Variants in FAM184B observed in about 807,000 individuals in gnomAD.
FAM184B encodes the protein family with sequence similarity 184 member B.
Under a neutral mutation model 135.9 loss-of-function variants are expected in FAM184B, and 111 were observed. The observed-to-expected ratio is 0.82, with a 90% confidence interval of 0.70 to 0.96. FAM184B has a LOEUF of 0.96. Among genes scored for constraint, FAM184B ranks in the 40% least tolerant of loss-of-function variants. The pLI is 0.00. For missense variants in FAM184B, 1,375 were observed against 1,323.9 expected (o/e 1.04, Z -0.60); for synonymous variants, 552 against 524.8 (o/e 1.05, Z -0.71).
At chr4:17,647,615 G>A (rs1317757144) in intron 12 of FAM184B, 22 bp downstream of exon 12, 3 of 1,542,546 alleles carry the variant, frequency 1.9e-6, no homozygotes, top group Non-Finnish European at 1.8e-6. Flanking sequence ...GGTATTGCTG[G>A]TGCAAGGGCG....
At chr4:17,692,404 A>C (rs1173308617) in intron 6 of FAM184B, among the ~76,000 whole-genome samples, 3 of 152,206 alleles carry the variant, frequency 2.0e-5, no homozygotes, top group African/African-American at 4.8e-5. Flanking sequence ...TCATTTTTTA[A>C]AATAATGATT....
chr4:17,761,076 A>C (rs923319756), intron 1 of FAM184B, among the ~76,000 whole-genome samples: 10 of 152,194 alleles, frequency 6.6e-5, no homozygotes, highest in African/African-American at 2.4e-4. Context: ...TGCACAGGAC[A>C]GCTCATGCAG....
At chr4:17,664,474 T>G in intron 8 of FAM184B, 88 bp downstream of exon 8, 1 of 1,067,250 alleles carries the variant, frequency 9.4e-7, no homozygotes, top group South Asian at 1.5e-5. Flanking sequence ...GATAAATACT[T>G]GAGGATAGAA....
chr4:17,641,343 C>T (rs1169813971), intron 13 of FAM184B, among the ~76,000 whole-genome samples: 4 of 152,020 alleles, frequency 2.6e-5, no homozygotes, highest in Admixed American at 2.6e-4. Context: ...AAGAAGACAC[C>T]GCATGGTCTG....
intron 13 of FAM184B, 34 bp downstream of exon 13, chr4:17,642,022 G>A: frequency 6.6e-7 from 1 of 1,504,648 alleles, no homozygotes. Flanking sequence ...GGGGGTGAGG[G>A]TGGCGCGGTG....
intron 6 of FAM184B, among the ~76,000 whole-genome samples, chr4:17,691,361 C>T (rs892005353): frequency 2.6e-5 from 4 of 152,174 alleles, no homozygotes; most frequent in Non-Finnish European, 5.9e-5. Flanking sequence ...AGAGCAAGTG[C>T]TCCACAAAGC....
At chr4:17,751,508 C>T (rs1329184504) in intron 1 of FAM184B, among the ~76,000 whole-genome samples, 1 of 151,996 alleles carries the variant, frequency 6.6e-6, no homozygotes, top group Non-Finnish European at 1.5e-5. Context: ...AGAGGCTCTA[C>T]CTCCAGACTC....
chr4:17,669,133 A>G (rs1475522958), intron 7 of FAM184B, among the ~76,000 whole-genome samples: 2 of 152,216 alleles, frequency 1.3e-5, no homozygotes, highest in African/African-American at 2.4e-5. Context: ...GCTGTTTGAC[A>G]TGAACTGGTC....
At position 17,688,492 on chromosome 4, in the gene FAM184B, G is replaced by T; in HGVS notation, c.1528C>A (p.Arg510Ser). Residue 510 changes from arginine (R) to serine (S), a missense_variant, in exon 7 of 18, where the codon CGC becomes AGC. Physicochemically the swap from Arg to Ser is moderately radical, Grantham distance 110 (BLOSUM62 -1). Transcript: ENST00000265018. ...GGACTTTCCTCAGCTCCTGTGGGGC[G>T]TGTCTTATTTTGTTGGATAAATTCT... is the stretch of plus-strand genomic sequence containing the variant. ...LEEFIQQNKT[R>S]PTGAEESPQE... 2 of 1,550,804 alleles carry T rather than the reference G, an allele frequency of 1.3e-6. No homozygotes were observed. Among genetic ancestry groups the T allele is most frequent in the Non-Finnish European group, 8.7e-7 (1 of 1,146,774 alleles).
chr4:17,755,518 G>A (rs191106685), intron 1 of FAM184B, among the ~76,000 whole-genome samples: 1 of 152,294 alleles, frequency 6.6e-6, no homozygotes, highest in Admixed American at 6.5e-5. Context: ...TAAAGATCTA[G>A]AAGCAGAAAT....
At chr4:17,729,485 G>GCT (rs1438818112) in intron 1 of FAM184B, among the ~76,000 whole-genome samples, 3 of 152,334 alleles carry the variant, frequency 2.0e-5, no homozygotes, top group Middle Eastern at 3.4e-3. Context: ...CAGCCTAACT[G>GCT]GGAGGCACCC....
chr4:17,722,908 TGA>T (rs1717561995), intron 1 of FAM184B, among the ~76,000 whole-genome samples: 1 of 152,180 alleles, frequency 6.6e-6, no homozygotes, highest in African/African-American at 2.4e-5. Context: ...GGAAATATTA[TGA>T]GAGAGAATTA....
chr4:17,762,673 C>A (rs1007351962), intron 1 of FAM184B, among the ~76,000 whole-genome samples: 3 of 152,166 alleles, frequency 2.0e-5, no homozygotes, highest in Non-Finnish European at 4.4e-5. Flanking sequence ...TTGGATAGAG[C>A]GACAGGAGTG....
chr4:17,705,966 G>A (rs1467250856), intron 3 of FAM184B, 75 bp from the exon 4 acceptor site: 5 of 1,527,166 alleles, frequency 3.3e-6, no homozygotes, highest in Admixed American at 2.0e-5. Flanking sequence ...CTGCTGTCAG[G>A]CCCCCGTTCC....
At chr4:17,772,707 C>G (rs995227824) in intron 1 of FAM184B, among the ~76,000 whole-genome samples, 17 of 152,152 alleles carry the variant, frequency 1.1e-4, no homozygotes, top group Non-Finnish European at 2.2e-4. Context: ...GTTTTGAGAC[C>G]AAACTATCAC....
intron 7 of FAM184B, among the ~76,000 whole-genome samples, chr4:17,684,216 T>C (rs900358690): frequency 2.9e-4 from 31 of 108,658 alleles, no homozygotes; most frequent in African/African-American, 8.1e-4. Context: ...AATAATAATA[T>C]AATTACTATT....
chr4:17,667,550 G>A (rs542461727), intron 7 of FAM184B, among the ~76,000 whole-genome samples: 3 of 152,328 alleles, frequency 2.0e-5, no homozygotes, highest in African/African-American at 7.2e-5. Flanking sequence ...GTGCCCAGGA[G>A]GACCTGTCCT....
chr4:17,680,772 G>C (rs905330193), intron 7 of FAM184B, among the ~76,000 whole-genome samples: 1 of 152,126 alleles, frequency 6.6e-6, no homozygotes, highest in African/African-American at 2.4e-5. Flanking sequence ...CAGGCAAATG[G>C]CTGGTTATTT....
chr4:17,702,022 C>G (rs1449956209), intron 5 of FAM184B, among the ~76,000 whole-genome samples: 1 of 152,160 alleles, frequency 6.6e-6, no homozygotes, highest in Non-Finnish European at 1.5e-5. Flanking sequence ...GTCAGTTCTC[C>G]AGGCAATGCG....
Sources: allele counts gnomAD v4.1 joint callset (sites outside exome capture counted in the v4.1 genomes callset), GRCh38; gene constraint gnomAD v4.1.1; transcripts MANE v1.5; gene names NCBI Gene and HGNC (gene_info 2026-07-23, HGNC 2026-07-21).